The following FAM83A variants were observed in gnomAD, a reference collection of about 807,000 sequenced individuals.
FAM83A encodes protein FAM83A.
Under a neutral mutation model 24.4 loss-of-function variants are expected in FAM83A, and 21 were observed. The ratio of observed to expected loss-of-function variants is 0.86; its 90% confidence interval spans 0.61 to 1.24. The LOEUF (loss-of-function observed/expected upper bound fraction) is 1.24, where lower values mean the gene tolerates loss of function less well. Among genes scored for constraint, FAM83A ranks in the 50% most tolerant of loss-of-function variants. The pLI is 0.00. For synonymous variants in FAM83A, 270 were observed against 252.4 expected (o/e 1.07, Z -0.66); for missense variants, 617 against 579.8 (o/e 1.06, Z -0.66).
At chr8:123,196,767 G>T (rs1267243959) in intron 3 of FAM83A, among the ~76,000 whole-genome samples, 1 of 152,164 alleles carries the variant, frequency 6.6e-6, no homozygotes, top group African/African-American at 2.4e-5. Context: ...CAGAAGGGAG[G>T]GGGTGTTGTA....
chr8:123,190,241 C>A (rs897951668), intron 1 of FAM83A, among the ~76,000 whole-genome samples: 1 of 151,914 alleles, frequency 6.6e-6, no homozygotes, highest in East Asian at 1.9e-4. Context: ...AGAAAATTAA[C>A]ATTTTAAATT....
At chr8:123,197,587 T>A (rs963996611) in intron 3 of FAM83A, among the ~76,000 whole-genome samples, 3 of 152,228 alleles carry the variant, frequency 2.0e-5, no homozygotes, top group Non-Finnish European at 2.9e-5. Flanking sequence ...CATTGGGTTG[T>A]TTCCCCCTTT....
In FAM83A at chr8:123,183,057, G is replaced by A. The variant is rs752531695; in HGVS notation, c.201G>A (p.Glu67=). The change falls in exon 1 of 4, where the codon GAG becomes GAA. Residue 67 remains glutamate (E), a synonymous_variant. Coordinates refer to ENST00000690554, the Ensembl canonical transcript of FAM83A. The stretch of plus-strand genomic sequence containing the variant: ...AGGTGGACTTCTTGTCCTCGGTGGA[G>A]GCCCAGTACATCCAGGCCCAGGCCA... 2.5e-6 allele frequency: 4 copies of A among 1,613,184 alleles called. No homozygotes were observed. In the East Asian group the frequency reaches 6.7e-5, roughly 27 times the overall value.
chr8:123,188,357 T>G (rs541423755), intron 1 of FAM83A, among the ~76,000 whole-genome samples: 8 of 152,318 alleles, frequency 5.3e-5, no homozygotes, highest in African/African-American at 1.7e-4. Flanking sequence ...TTTACTGAAT[T>G]ACATCTGCAA....
exon 1 of FAM83A, chr8:123,182,964 G>C (rs753863600): frequency 4.3e-6 from 7 of 1,609,536 alleles, no homozygotes. Flanking sequence ...AGAGTGCCCG[G>C]CTGGCCACGG....
At chr8:123,194,099 G>C (rs1824065646) in exon 3 of FAM83A, 4 of 1,614,060 alleles carry the variant, frequency 2.5e-6, no homozygotes, top group South Asian at 1.1e-5. Context: ...CCAAATCCGG[G>C]AGAAGTTCAT....
chr8:123,208,380 C>G (rs1029951532), exon 4 of FAM83A: 25 of 985,492 alleles, frequency 2.5e-5, no homozygotes, highest in Non-Finnish European at 3.0e-5. Flanking sequence ...TTAGTAGACT[C>G]AGATTCTTGC....
intron 3 of FAM83A, among the ~76,000 whole-genome samples, chr8:123,194,785 G>A (rs35456955): frequency 0.18 from 27,515 of 152,008 alleles, 2,644 homozygotes; most frequent in Admixed American, 0.24. Context: ...ACCCAGCCCC[G>A]TTTTATTTTT....
rs539103184 is a variant in FAM83A, at chr8:123,196,302, G to A, written c.773+2154G>A. ...GCAGGGATTACAGGCATGAGCCACC[G>A]CTCCCAGCCTCATTAAAGTTTTTAA... On this transcript the variant is annotated intron_variant, in intron 3 of 3. Transcript: ENST00000690554. 7.9e-5 allele frequency among the ~76,000 whole-genome samples: 12 copies of A among 152,322 alleles called. No homozygotes were observed. In the East Asian group the frequency reaches 1.7e-3, roughly 22 times the overall value.
At chr8:123,183,661 TTTTTC>T (rs1168377781) in intron 1 of FAM83A, among the ~76,000 whole-genome samples, 1 of 151,880 alleles carries the variant, frequency 6.6e-6, no homozygotes, top group Non-Finnish European at 1.5e-5. Flanking sequence ...TTTTTTCTTT[TTTTTC>T]TTTTCTTTTT....
intron 3 of FAM83A, among the ~76,000 whole-genome samples, chr8:123,197,826 T>A (rs1283255236): frequency 6.6e-6 from 1 of 152,154 alleles, no homozygotes; most frequent in Non-Finnish European, 1.5e-5. Flanking sequence ...CCAAAGCACA[T>A]GATACACTTT....
chr8:123,183,295 A>C (rs745539721), exon 1 of FAM83A: 1 of 1,613,118 alleles, frequency 6.2e-7, no homozygotes, highest in Non-Finnish European at 8.5e-7. Flanking sequence ...GCACAACAAC[A>C]TCAGAGACCT....
exon 4 of FAM83A, chr8:123,208,930 C>T (rs892505749): frequency 1.3e-5 from 13 of 982,868 alleles, no homozygotes; most frequent in Non-Finnish European, 1.6e-5. Context: ...CATCACTGCA[C>T]TCCAGCATGG....
At chr8:123,208,690 G>T (rs910152054) in exon 4 of FAM83A, 2 of 985,338 alleles carry the variant, frequency 2.0e-6, no homozygotes, top group African/African-American at 3.5e-5. Flanking sequence ...AGAAATATAG[G>T]ATGCTTAGAA....
At chr8:123,207,428 G>C in exon 4 of FAM83A, 1 of 1,609,134 alleles carries the variant, frequency 6.2e-7, no homozygotes, top group Non-Finnish European at 8.5e-7. Context: ...TACCCGAAGT[G>C]TGTCCGCGTC....
intron 3 of FAM83A, among the ~76,000 whole-genome samples, chr8:123,198,657 C>G (rs1357272536): frequency 6.6e-6 from 1 of 152,216 alleles, no homozygotes; most frequent in Non-Finnish European, 1.5e-5. Context: ...ACCCTCGAAT[C>G]CTCAAATCCA....
At chr8:123,180,341 G>A (rs551390620), upstream of FAM83A, 1 of 152,258 alleles carries the variant, frequency 6.6e-6, no homozygotes, top group African/African-American at 2.4e-5. Context: ...TCCTCTTCCA[G>A]AGGAAGATAA....
intron 1 of FAM83A, among the ~76,000 whole-genome samples, chr8:123,188,971 A>T (rs1355828712): frequency 6.6e-6 from 1 of 152,218 alleles, no homozygotes; most frequent in East Asian, 1.9e-4. Flanking sequence ...GTCTCTGTTC[A>T]ATCACCAGCT....
intron 3 of FAM83A, among the ~76,000 whole-genome samples, chr8:123,195,620 C>G (rs1225914687): frequency 1.3e-5 from 2 of 152,174 alleles, no homozygotes. Flanking sequence ...ACTCACAGTC[C>G]TGAAGGCTGG....
Sources: gnomAD v4.1 joint callset for allele counts (sites outside exome capture counted in the v4.1 genomes callset) on GRCh38, gnomAD v4.1.1 for gene constraint, MANE v1.5 for transcripts, NCBI Gene and HGNC (gene_info 2026-07-23, HGNC 2026-07-21) for gene names.